Variants in CTNNA3 observed in about 807,000 individuals in gnomAD.
CTNNA3 encodes catenin alpha 3, also known as catenin alpha-3.
Under a neutral mutation model 95.7 loss-of-function variants are expected in CTNNA3, and 76 were observed. The observed-to-expected ratio is 0.79, with a 90% CI of 0.66 to 0.96. The LOEUF (loss-of-function observed/expected upper bound fraction) is 0.96. CTNNA3 is among the 40% of genes least tolerant of loss of function. The pLI is 0.00. For synonymous variants in CTNNA3, 431 were observed against 374.4 expected (o/e 1.15, Z -1.74); for missense variants, 1,191 against 1,089.8 (o/e 1.09, Z -1.31).
intron 13 of CTNNA3, among the ~76,000 whole-genome samples, chr10:66,159,626 G>GTTTTTTTTTTTTTTTTT (rs34684370): frequency 5.2e-5 from 6 of 114,928 alleles, no homozygotes; most frequent in South Asian, 2.9e-4. Flanking sequence ...TTTGTTTTCT[G>GTTTTTTTTTTTTTTTTT]TTTTTTTTTT....
Position 66,345,847 on chromosome 10 carries a change from G to A in CTNNA3, c.1732+33305C>T, listed in dbSNP as rs544225787. 1.5e-3 allele frequency among the ~76,000 whole-genome samples: 222 copies of A among 151,792 alleles called. 3 individuals are homozygous for A. Among genetic ancestry groups the A allele is most frequent in the African/African-American group, 5.2e-3 (214 of 41,458 alleles). The stretch of plus-strand genomic sequence containing the variant: ...TCCCAGCACTTTGGGAGGCCAAGGC[G>A]GGTGGATCACCTGAGGTCAGGAGTT... On this transcript the variant is annotated intron_variant, in intron 12 of 17. Transcript: ENST00000433211.
At chr10:66,981,402 T>C (rs769961662) in intron 7 of CTNNA3, among the ~76,000 whole-genome samples, 8 of 152,244 alleles carry the variant, frequency 5.3e-5, no homozygotes, top group Admixed American at 2.6e-4. Flanking sequence ...TGCACTCTTC[T>C]GGATTTTGAG....
intron 2 of CTNNA3, among the ~76,000 whole-genome samples, chr10:67,607,498 C>T (rs941994595): frequency 1.3e-5 from 2 of 152,044 alleles, no homozygotes; most frequent in Non-Finnish European, 2.9e-5. Flanking sequence ...GTTGGTCTTG[C>T]TGCCTTGGGG....
chr10:67,041,335 G>A (rs1854382753), intron 7 of CTNNA3, among the ~76,000 whole-genome samples: 3 of 152,054 alleles, frequency 2.0e-5, no homozygotes, highest in African/African-American at 7.2e-5. Flanking sequence ...AGGGGCCTTC[G>A]TGATACCTGT....
intron 5 of CTNNA3, among the ~76,000 whole-genome samples, chr10:67,414,019 C>A (rs1023333130): frequency 2.0e-5 from 3 of 151,902 alleles, no homozygotes; most frequent in Non-Finnish European, 2.9e-5. Context: ...TTTGCACCTA[C>A]AGGAACAAGA....
chr10:67,477,593 A>G (rs1848068036), intron 5 of CTNNA3, among the ~76,000 whole-genome samples: 1 of 152,118 alleles, frequency 6.6e-6, no homozygotes, highest in Non-Finnish European at 1.5e-5. Context: ...AAGCCAAAAG[A>G]CTACCCATCA....
chr10:66,644,292 GTC>G (rs71035159), intron 9 of CTNNA3, among the ~76,000 whole-genome samples: 15,626 of 78,472 alleles, frequency 0.2, 1,102 homozygotes, highest in Non-Finnish European at 0.26. Context: ...CTGTCTGTCT[GTC>G]TCTCTCTCTC....
chr10:66,334,566 T>A (rs1165819784), intron 12 of CTNNA3, among the ~76,000 whole-genome samples: 1 of 152,104 alleles, frequency 6.6e-6, no homozygotes, highest in Non-Finnish European at 1.5e-5. Flanking sequence ...TGGCCCCCAC[T>A]CTCTTCTGGC....
chr10:66,636,168 A>C (rs1464166069), intron 9 of CTNNA3, among the ~76,000 whole-genome samples: 2 of 152,078 alleles, frequency 1.3e-5, no homozygotes, highest in Admixed American at 1.3e-4. Flanking sequence ...GAATCTCAGG[A>C]GGGCTCCTTG....
At chr10:66,338,936 A>G (rs2092424907) in intron 12 of CTNNA3, among the ~76,000 whole-genome samples, 1 of 151,916 alleles carries the variant, frequency 6.6e-6, no homozygotes, top group Non-Finnish European at 1.5e-5. Context: ...TGTAAAAACT[A>G]AAGAATACCT....
chr10:66,528,548 T>A (rs1841349850), intron 10 of CTNNA3, among the ~76,000 whole-genome samples: 1 of 152,170 alleles, frequency 6.6e-6, no homozygotes, highest in South Asian at 2.1e-4. Context: ...TGTGTTCACA[T>A]TGTCATTTAT....
At chr10:66,451,430 A>G (rs2131824615) in intron 11 of CTNNA3, among the ~76,000 whole-genome samples, 1 of 152,250 alleles carries the variant, frequency 6.6e-6, no homozygotes, top group South Asian at 2.1e-4. Context: ...GAAATAAGAG[A>G]GACCTGTTTT....
intron 2 of CTNNA3, among the ~76,000 whole-genome samples, chr10:67,641,063 T>C (rs12261269): frequency 0.14 from 21,266 of 151,996 alleles, 1,582 homozygotes; most frequent in Non-Finnish European, 0.16. Flanking sequence ...TCAGAGTGAA[T>C]AGGCAACCTA....
chr10:66,479,077 A>G (rs577884808), intron 11 of CTNNA3, among the ~76,000 whole-genome samples: 1 of 151,828 alleles, frequency 6.6e-6, no homozygotes, highest in Admixed American at 6.6e-5. Flanking sequence ...TCGTTTTTGT[A>G]CAGTTTTTGA....
intron 7 of CTNNA3, among the ~76,000 whole-genome samples, chr10:66,868,899 G>C (rs898584720): frequency 2.0e-5 from 3 of 152,172 alleles, no homozygotes; most frequent in Non-Finnish European, 4.4e-5. Flanking sequence ...TGAGCTCATA[G>C]GAGTTTTAAA....
At chr10:67,378,179 T>C (rs1034254252) in intron 5 of CTNNA3, among the ~76,000 whole-genome samples, 1 of 152,214 alleles carries the variant, frequency 6.6e-6, no homozygotes, top group African/African-American at 2.4e-5. Context: ...CAGTGATATT[T>C]GTTCCAAACC....
intron 5 of CTNNA3, among the ~76,000 whole-genome samples, chr10:67,389,906 G>C (rs1430610522): frequency 1.3e-5 from 2 of 150,954 alleles, no homozygotes; most frequent in African/African-American, 4.9e-5. Flanking sequence ...CACATTCAAA[G>C]CAGTGTGTAG....
chr10:66,347,854 A>T (rs1002334865), intron 12 of CTNNA3, among the ~76,000 whole-genome samples: 1 of 152,062 alleles, frequency 6.6e-6, no homozygotes, highest in Non-Finnish European at 1.5e-5. Flanking sequence ...CATCATGTAT[A>T]CTGTCACATG....
chr10:67,357,307 G>A (rs1433586227), intron 5 of CTNNA3, among the ~76,000 whole-genome samples: 1 of 151,594 alleles, frequency 6.6e-6, no homozygotes, highest in East Asian at 1.9e-4. Flanking sequence ...ATATCTCCCA[G>A]AAGATAAAAT....
Sources: allele counts gnomAD v4.1 joint callset (sites outside exome capture counted in the v4.1 genomes callset), GRCh38; gene constraint gnomAD v4.1.1; transcripts MANE v1.5; gene names NCBI Gene and HGNC (gene_info 2026-07-23, HGNC 2026-07-21).